The following EYS variants were observed in gnomAD, a reference collection of about 807,000 sequenced individuals.
EYS encodes the protein EGF-like photoreceptor maintenance factor.
EYS carries 250 observed loss-of-function variants against 282.1 expected under a neutral mutation model. The ratio of observed to expected loss-of-function variants is 0.89; its 90% CI spans 0.80 to 0.98. The LOEUF (loss-of-function observed/expected upper bound fraction) is 0.98, where lower values mean the gene tolerates loss of function less well. Ranked by LOEUF, EYS falls within the 50% of genes least tolerant of loss-of-function variation. The probability of loss-of-function intolerance (pLI) is 0.00; values close to 1 mark genes in which losing one functional copy is unlikely to be tolerated. For missense variants in EYS, 4,016 were observed against 3,709.0 expected (o/e 1.08, Z -2.15); for synonymous variants, 1,355 against 1,282.9 (o/e 1.06, Z -1.20).
intron 22 of EYS, among the ~76,000 whole-genome samples, chr6:64,639,777 C>A (rs1562106111): frequency 1.1e-5 from 1 of 91,202 alleles, no homozygotes; most frequent in Non-Finnish European, 2.4e-5. Flanking sequence ...AGTGAACAGG[C>A]AACCTACAGA....
intron 1 of EYS, among the ~76,000 whole-genome samples, chr6:65,648,472 G>A (rs765366895): frequency 1.3e-5 from 2 of 152,076 alleles, no homozygotes; most frequent in Non-Finnish European, 2.9e-5. Flanking sequence ...GCCAAACATC[G>A]TATGTTCTCA....
intron 26 of EYS, among the ~76,000 whole-genome samples, chr6:64,575,283 A>T (rs1765846187): frequency 6.6e-6 from 1 of 151,952 alleles, no homozygotes; most frequent in African/African-American, 2.4e-5. Flanking sequence ...TGAAATTTTC[A>T]AAGAAAAGGG....
At chr6:64,929,321 T>G (rs1411526824) in intron 15 of EYS, among the ~76,000 whole-genome samples, 1 of 152,130 alleles carries the variant, frequency 6.6e-6, no homozygotes, top group African/African-American at 2.4e-5. Context: ...ATTACTATGA[T>G]GCCTGATAAA....
chr6:64,588,492 A>C (rs1414311707), intron 26 of EYS, among the ~76,000 whole-genome samples: 1 of 152,044 alleles, frequency 6.6e-6, no homozygotes, highest in Non-Finnish European at 1.5e-5. Flanking sequence ...AGTATTTTCT[A>C]GTCTCCTCCC....
chr6:63,908,643 G>A (rs1205529245), intron 35 of EYS, among the ~76,000 whole-genome samples: 1 of 151,816 alleles, frequency 6.6e-6, no homozygotes, highest in Non-Finnish European at 1.5e-5. Flanking sequence ...TAGAGATGGG[G>A]TTTCACAATG....
At chr6:65,463,972 A>C (rs1764907052) in intron 5 of EYS, among the ~76,000 whole-genome samples, 2 of 152,102 alleles carry the variant, frequency 1.3e-5, no homozygotes, top group Admixed American at 6.6e-5. Context: ...CTTTTAATAT[A>C]TTTAATTTCA....
chr6:64,136,973 G>A (rs988372096), intron 31 of EYS, among the ~76,000 whole-genome samples: 3 of 152,142 alleles, frequency 2.0e-5, no homozygotes, highest in Non-Finnish European at 2.9e-5. Flanking sequence ...TTCCTAGATG[G>A]CATCTTCTAG....
intron 1 of EYS, among the ~76,000 whole-genome samples, chr6:65,673,173 G>T (rs1234582733): frequency 6.6e-6 from 1 of 152,016 alleles, no homozygotes; most frequent in Non-Finnish European, 1.5e-5. Flanking sequence ...ATATTAATAA[G>T]AAAAATAAAA....
intron 13 of EYS, among the ~76,000 whole-genome samples, chr6:65,051,654 C>T (rs1239929200): frequency 6.6e-6 from 1 of 151,380 alleles, no homozygotes; most frequent in African/African-American, 2.4e-5. Flanking sequence ...TAAATAAATT[C>T]TCCTAACTGA....
At chr6:65,002,637 A>G (rs1771500871) in intron 13 of EYS, among the ~76,000 whole-genome samples, 1 of 147,770 alleles carries the variant, frequency 6.8e-6, no homozygotes, top group African/African-American at 2.4e-5. Flanking sequence ...TAAAAAGACA[A>G]TAACATAACT....
intron 31 of EYS, among the ~76,000 whole-genome samples, chr6:64,151,886 G>A (rs1774752555): frequency 6.6e-6 from 1 of 151,990 alleles, no homozygotes; most frequent in South Asian, 2.1e-4. Context: ...TTAAAATATA[G>A]ATTAAAATGG....
intron 7 of EYS, among the ~76,000 whole-genome samples, chr6:65,389,249 T>C (rs542027279): frequency 6.6e-5 from 10 of 152,244 alleles, no homozygotes; most frequent in Middle Eastern, 6.8e-3. Flanking sequence ...GCATTCATGA[T>C]CTAAAGCTGC....
intron 29 of EYS, among the ~76,000 whole-genome samples, chr6:64,360,566 A>AT (rs1321980886): frequency 6.6e-6 from 1 of 151,722 alleles, no homozygotes; most frequent in Non-Finnish European, 1.5e-5. Context: ...CTGTGAATAC[A>AT]TTTTTTTGTC....
At chr6:65,429,086 A>G (rs951516952) in intron 5 of EYS, among the ~76,000 whole-genome samples, 1 of 152,136 alleles carries the variant, frequency 6.6e-6, no homozygotes, top group African/African-American at 2.4e-5. Flanking sequence ...AGGCTGAGGC[A>G]GAAGAATTGC....
At chr6:63,730,503 C>G (rs1427063373) in intron 41 of EYS, among the ~76,000 whole-genome samples, 1 of 152,158 alleles carries the variant, frequency 6.6e-6, no homozygotes, top group East Asian at 1.9e-4. Flanking sequence ...CACTGCATAA[C>G]CCCAAGGGGA....
At chr6:65,446,874 A>C (rs957648652) in intron 5 of EYS, among the ~76,000 whole-genome samples, 2 of 151,860 alleles carry the variant, frequency 1.3e-5, no homozygotes, top group African/African-American at 4.8e-5. Flanking sequence ...AAGAAATATT[A>C]ATTCTTAAAA....
intron 29 of EYS, among the ~76,000 whole-genome samples, chr6:64,335,310 C>A (rs555098290): frequency 7.4e-6 from 1 of 134,922 alleles, no homozygotes; most frequent in Non-Finnish European, 1.6e-5. Context: ...CTTCTCTCTG[C>A]GGTCAGTAGA....
At chr6:64,246,018 CAAAAAAAAAAAAAAAA>C (rs60121734) in intron 30 of EYS, among the ~76,000 whole-genome samples, 1 of 56,200 alleles carries the variant, frequency 1.8e-5, no homozygotes, top group Non-Finnish European at 2.8e-5. Flanking sequence ...AACTCCGTCT[CAAAAAAAAAAAAAAAA>C]AAAAAAAAAA....
At chr6:63,723,828 A>ATT (rs1768507581) in intron 42 of EYS, among the ~76,000 whole-genome samples, 1 of 126,844 alleles carries the variant, frequency 7.9e-6, no homozygotes, top group South Asian at 2.7e-4. Flanking sequence ...TATTATTATT[A>ATT]TTATTATTTT....
Sources: allele counts gnomAD v4.1 joint callset (sites outside exome capture counted in the v4.1 genomes callset), GRCh38; gene constraint gnomAD v4.1.1; transcripts MANE v1.5; gene names NCBI Gene and HGNC (gene_info 2026-07-23, HGNC 2026-07-21).